The following TMEM178B variants were observed in gnomAD, a reference collection of about 807,000 sequenced individuals.
TMEM178B encodes the protein transmembrane protein 178B.
In TMEM178B, 5 loss-of-function variants were observed where a neutral mutation model predicts 31.0. That is an observed-to-expected ratio of 0.16 (90% CI 0.08 to 0.34). The LOEUF is 0.34. TMEM178B is among the 10% of genes least tolerant of loss of function. The pLI is 1.00. For synonymous variants in TMEM178B, 164 were observed against 164.0 expected (o/e 1.00, Z 0.00); for missense variants, 275 against 400.3 (o/e 0.69, Z 2.67).
At chr7:141,411,187 G>C (rs1800982520) in intron 2 of TMEM178B, among the ~76,000 whole-genome samples, 1 of 151,682 alleles carries the variant, frequency 6.6e-6, no homozygotes, top group Non-Finnish European at 1.5e-5. Context: ...TGGTGTTCAT[G>C]ATGATTGCCA....
At chr7:141,194,543 C>T (rs1388532647) in intron 1 of TMEM178B, among the ~76,000 whole-genome samples, 1 of 152,198 alleles carries the variant, frequency 6.6e-6, no homozygotes, top group Non-Finnish European at 1.5e-5. Context: ...TTGGGAAGCT[C>T]CGCCCCTGTG....
At chr7:141,295,549 C>T (rs1798617867) in intron 2 of TMEM178B, among the ~76,000 whole-genome samples, 2 of 152,106 alleles carry the variant, frequency 1.3e-5, no homozygotes, top group African/African-American at 4.8e-5. Flanking sequence ...CCCAGATGCT[C>T]AAGGATTATT....
chr7:141,453,920 T>TAAAAA (rs10701376), intron 3 of TMEM178B, among the ~76,000 whole-genome samples: 2 of 147,636 alleles, frequency 1.4e-5, no homozygotes, highest in African/African-American at 5.0e-5. Flanking sequence ...CCCTTTTATC[T>TAAAAA]AAAAAAAAAA....
At chr7:141,097,933 A>G (rs1473548765) in intron 1 of TMEM178B, among the ~76,000 whole-genome samples, 1 of 151,778 alleles carries the variant, frequency 6.6e-6, no homozygotes, top group Non-Finnish European at 1.5e-5. Context: ...CTGGGACTAC[A>G]GGTGTGTGCC....
Position 141,256,865 on chromosome 7 carries a change from A to G in TMEM178B, c.496+44161A>G, listed in dbSNP as rs553647549. On this transcript the variant is annotated intron_variant, in intron 2 of 3. Coordinates refer to ENST00000565468, the MANE Select transcript of TMEM178B (RefSeq NM_001195278.2). ...AGGATGTGAGAGAATGGAATTATCA[A>G]TTTCTGAAATGTGCAACACTAAGAA... Among the ~76,000 whole-genome samples, 10 of 152,314 alleles carry G rather than the reference A, an allele frequency of 6.6e-5. 1 individual carries two copies. The South Asian group carries it at 8.3e-4, about 13-fold the overall frequency.
intron 2 of TMEM178B, among the ~76,000 whole-genome samples, chr7:141,326,830 CTTCTCTATATG>C: frequency 1.3e-5 from 2 of 152,280 alleles, no homozygotes; most frequent in South Asian, 2.1e-4. Context: ...CAATGCAAAT[CTTCTCTATATG>C]TTCTCTATAT....
intron 2 of TMEM178B, among the ~76,000 whole-genome samples, chr7:141,263,913 A>G (rs1231153811): frequency 6.6e-6 from 1 of 152,260 alleles, no homozygotes; most frequent in Non-Finnish European, 1.5e-5. Context: ...TGAATAATAC[A>G]GATTAAAATT....
intron 2 of TMEM178B, among the ~76,000 whole-genome samples, chr7:141,264,501 G>A (rs1234064166): frequency 1.3e-5 from 2 of 152,204 alleles, no homozygotes; most frequent in Admixed American, 6.5e-5. Context: ...ATGAGGGAGG[G>A]GGGTGAGGAA....
rs1020533422 is a variant in TMEM178B at position 141,305,211 on chromosome 7, C to A, written c.496+92507C>A. 3.3e-5 allele frequency among the ~76,000 whole-genome samples: 5 copies of A among 152,246 alleles called. No individual in the cohort carries two copies. In the East Asian group the frequency reaches 9.6e-4, roughly 29 times the overall value. On this transcript the variant is annotated intron_variant, in intron 2 of 3. Coordinates refer to ENST00000565468, the MANE Select transcript of TMEM178B (RefSeq NM_001195278.2). ...CTTCACTGCCCCAAAAGAGAAGGAG[C>A]AGTAAAAGCCATGATTATAACCCTA...
At chr7:141,279,385 G>A (rs1439260580) in intron 2 of TMEM178B, among the ~76,000 whole-genome samples, 1 of 152,206 alleles carries the variant, frequency 6.6e-6, no homozygotes, top group Non-Finnish European at 1.5e-5. Context: ...TTTTAAAACA[G>A]TGTTACTTTT....
intron 1 of TMEM178B, among the ~76,000 whole-genome samples, chr7:141,081,781 TAA>T (rs1321515108): frequency 6.6e-6 from 1 of 152,212 alleles, no homozygotes; most frequent in Non-Finnish European, 1.5e-5. Flanking sequence ...TGGTGTAGCC[TAA>T]GTGTACAGTA....
chr7:141,351,044 C>T (rs1799712222), intron 2 of TMEM178B, among the ~76,000 whole-genome samples: 5 of 152,168 alleles, frequency 3.3e-5, no homozygotes. Flanking sequence ...GAGTGCTGTG[C>T]AGCAGGAAGT....
At chr7:141,385,798 G>C (rs1480634297) in intron 2 of TMEM178B, among the ~76,000 whole-genome samples, 2 of 152,122 alleles carry the variant, frequency 1.3e-5, no homozygotes, top group African/African-American at 2.4e-5. Context: ...CCAGTCCCTT[G>C]GGTCCACTTC....
Position 141,329,519 on chromosome 7 carries a change from C to T in TMEM178B, c.497-108089C>T, listed in dbSNP as rs184502461. On this transcript the variant is annotated intron_variant, in intron 2 of 3. Coordinates refer to ENST00000565468, the MANE Select transcript of TMEM178B (RefSeq NM_001195278.2). ...AGCAGAGTTGCCTTTTATTCCTCTTCCACAGGATAAAGCTTTTCTGTCATT... is the reference window on the plus strand; with the variant it reads ...AGCAGAGTTGCCTTTTATTCCTCTTTCACAGGATAAAGCTTTTCTGTCATT... 9.5e-4 allele frequency among the ~76,000 whole-genome samples: 145 copies of T among 152,294 alleles called. 2 individuals carry two copies. Among genetic ancestry groups the T allele is most frequent in the Middle Eastern group, 3.4e-3 (1 of 294 alleles).
chr7:141,171,612 G>T lies in TMEM178B; in HGVS notation c.383-40979G>T, dbSNP rs563038642. Among the ~76,000 whole-genome samples the T allele has an allele frequency of 6.6e-6, 1 of 152,142 alleles. No homozygotes were observed. The highest frequency in any genetic ancestry group is 1.9e-4 in the East Asian group (1 of 5,188). On this transcript the variant is annotated intron_variant, in intron 1 of 3. Transcript: ENST00000565468. The surrounding 1 kb of genome is among the most constrained non-coding windows in gnomAD (Gnocchi z 4.3). ...CCACCTTGCCAGGCCTCGGTCTCCC[G>T]CATGACACTGTCTTCTGAGTGATGC...
intron 2 of TMEM178B, among the ~76,000 whole-genome samples, chr7:141,328,918 T>C (rs1563152935): frequency 7.9e-6 from 1 of 126,436 alleles, no homozygotes; most frequent in Non-Finnish European, 1.5e-5. Flanking sequence ...GTGACTTAGG[T>C]AATTAATTAA....
chr7:141,386,840 G>A (rs1343464984), intron 2 of TMEM178B, among the ~76,000 whole-genome samples: 1 of 152,194 alleles, frequency 6.6e-6, no homozygotes, highest in East Asian at 1.9e-4. Context: ...ACCTGGATGA[G>A]GGCAAGGAAG....
chr7:141,325,436 T>A (rs1402432277), intron 2 of TMEM178B, among the ~76,000 whole-genome samples: 1 of 152,098 alleles, frequency 6.6e-6, no homozygotes, highest in Non-Finnish European at 1.5e-5. Context: ...ACAACAAGGG[T>A]ATCCCCAGGA....
At chr7:141,506,269 G>A in the TMEM178B span, among the ~76,000 whole-genome samples, 8 of 152,212 alleles carry the variant, frequency 5.3e-5, no homozygotes, top group Non-Finnish European at 1.0e-4. Context: ...TCCCAGCAAT[G>A]CCTGCTGATT....
Sources: gnomAD v4.1 joint callset for allele counts (sites outside exome capture counted in the v4.1 genomes callset) on GRCh38, gnomAD v4.1.1 for gene constraint, Gnocchi (gnomAD v3.1) non-coding constraint, MANE v1.5 for transcripts, NCBI Gene and HGNC (gene_info 2026-07-23, HGNC 2026-07-21) for gene names.